The following NKIRAS1 variants were observed in gnomAD, a reference collection of about 807,000 sequenced individuals.
NKIRAS1 encodes NFKB inhibitor interacting Ras like 1.
In NKIRAS1, 16 loss-of-function variants were observed where a neutral mutation model predicts 19.8. The ratio of observed to expected loss-of-function variants is 0.81; its 90% CI spans 0.55 to 1.23. The LOEUF is 1.23. Ranked by LOEUF, NKIRAS1 falls within the 50% of genes most tolerant of loss-of-function variation. The pLI, the probability that NKIRAS1 is intolerant of heterozygous loss-of-function variation, is 0.00. For missense variants in NKIRAS1, 184 were observed against 220.0 expected, an observed-to-expected ratio of 0.84 and a Z score of 1.04; for synonymous variants, 88 against 79.0, an observed-to-expected ratio of 1.11 and a Z score of -0.61.
At chr3:23,908,642 AG>A (rs532919953) in intron 3 of NKIRAS1, among the ~76,000 whole-genome samples, 56 of 152,292 alleles carry the variant, frequency 3.7e-4, no homozygotes, top group African/African-American at 1.2e-3. Context: ...AGTGTCATTT[AG>A]AAAAAATAAG....
intron 3 of NKIRAS1, among the ~76,000 whole-genome samples, chr3:23,903,996 C>G (rs1559504027): frequency 6.6e-6 from 1 of 152,118 alleles, no homozygotes; most frequent in African/African-American, 2.4e-5. Context: ...GAAACCCCAT[C>G]TCTACTAAAA....
At position 23,901,003 on chromosome 3, in the gene NKIRAS1, T is replaced by C. The variant is rs753911269; in HGVS notation, c.141A>G (p.Val47=). ...GTTCTTTTACTCCTCGGTCTGTTTC[T>C]ACTGAAGCCATGTATACATCTTCCA... is the stretch of plus-strand genomic sequence containing the variant. ...ETMEDVYMAS[V]ETDRGVKEQL... is the part of the protein sequence containing the mutation. The change falls in exon 4 of 5, where the codon GTA becomes GTG. Residue 47 remains valine, a synonymous_variant. Transcript: ENST00000425478. 8 of 1,614,176 alleles carry C rather than the reference T, an allele frequency of 5.0e-6. No homozygotes were observed. The highest frequency in any genetic ancestry group is 8.5e-7 in the Non-Finnish European group (1 of 1,180,012).
chr3:23,930,192 G>A (rs556307615), intron 1 of NKIRAS1, among the ~76,000 whole-genome samples: 16 of 152,182 alleles, frequency 1.1e-4, no homozygotes, highest in African/African-American at 3.4e-4. Context: ...TTCATCCTGG[G>A]GGGTATTTGC....
intron 2 of NKIRAS1, among the ~76,000 whole-genome samples, 173 bp downstream of exon 2, chr3:23,911,156 T>A (rs968279646): frequency 1.3e-5 from 2 of 152,016 alleles, no homozygotes; most frequent in African/African-American, 4.8e-5. Context: ...ACAATGTAGA[T>A]AAATATAAGA....
At chr3:23,936,081 T>TAAAAA (rs1705387077) in intron 1 of NKIRAS1, among the ~76,000 whole-genome samples, 1 of 9,772 alleles carries the variant, frequency 1.0e-4, no homozygotes, top group Non-Finnish European at 2.2e-4. Flanking sequence ...GGACCCTGTC[T>TAAAAA]CAAAAAAAAA....
At chr3:23,946,422 A>G (rs1288393628) in exon 1 of NKIRAS1, 2 of 465,616 alleles carry the variant, frequency 4.3e-6, no homozygotes, top group East Asian at 1.5e-4. Context: ...GATACGCTCG[A>G]AGGAGCTCTG....
chr3:23,946,233 G>T (rs2125277231), intron 1 of NKIRAS1: 1 of 985,436 alleles, frequency 1.0e-6, no homozygotes, highest in South Asian at 4.7e-5. Flanking sequence ...TGCACCGGAC[G>T]CCGCACGCTC....
chr3:23,940,188 A>G (rs1705468330), intron 1 of NKIRAS1, among the ~76,000 whole-genome samples: 1 of 151,018 alleles, frequency 6.6e-6, no homozygotes, highest in Admixed American at 6.6e-5. Flanking sequence ...AAAAAAAAAA[A>G]AAAGAGAAAT....
intron 1 of NKIRAS1, among the ~76,000 whole-genome samples, chr3:23,934,012 A>G (rs4241516): frequency 0.64 from 97,563 of 152,086 alleles, 31,517 homozygotes; most frequent in Middle Eastern, 0.73. Context: ...ATCAACTCCT[A>G]AGGGCCCACC....
chr3:23,904,796 T>A (rs1406239397), intron 3 of NKIRAS1, among the ~76,000 whole-genome samples: 1 of 152,206 alleles, frequency 6.6e-6, no homozygotes, highest in Non-Finnish European at 1.5e-5. Context: ...TTTCTAGATA[T>A]GTATACCAGA....
At chr3:23,929,652 G>A (rs1399920885) in intron 1 of NKIRAS1, among the ~76,000 whole-genome samples, 1 of 151,904 alleles carries the variant, frequency 6.6e-6, no homozygotes, top group Admixed American at 6.6e-5. Context: ...ATGTTGCCCA[G>A]GCTGTTATCA....
intron 1 of NKIRAS1, chr3:23,946,138 G>C: frequency 1.0e-6 from 1 of 985,188 alleles, no homozygotes; most frequent in Non-Finnish European, 1.2e-6. Context: ...CCCCCGCGGG[G>C]TTGCACACTG....
At chr3:23,945,450 C>T (rs1705626978) in intron 1 of NKIRAS1, 1 of 374,258 alleles carries the variant, frequency 2.7e-6, no homozygotes, top group Non-Finnish European at 3.9e-6. Flanking sequence ...GCCCCGCCCG[C>T]TCTGCCCATG....
chr3:23,905,783 G>GA (rs1702971400), intron 3 of NKIRAS1, among the ~76,000 whole-genome samples: 1 of 121,950 alleles, frequency 8.2e-6, no homozygotes, highest in Non-Finnish European at 1.7e-5. Context: ...AAAAGTACTG[G>GA]AAAATGTGCT....
intron 3 of NKIRAS1, among the ~76,000 whole-genome samples, chr3:23,908,703 A>T (rs1321529920): frequency 2.0e-5 from 3 of 152,110 alleles, no homozygotes; most frequent in African/African-American, 7.2e-5. Flanking sequence ...TTTTTCAGAC[A>T]GGGTCTCCTA....
chr3:23,921,569 A>ATTT, upstream of NKIRAS1: 1 of 512,672 alleles, frequency 2.0e-6, no homozygotes. Flanking sequence ...TTGATTATTG[A>ATTT]GTTTTTTTTT....
intron 1 of NKIRAS1, among the ~76,000 whole-genome samples, chr3:23,937,260 A>G (rs987201705): frequency 3.3e-5 from 5 of 152,018 alleles, no homozygotes; most frequent in African/African-American, 1.2e-4. Context: ...AGTCCCAGCT[A>G]CTCGGTAGGC....
rs58905555 is a variant in NKIRAS1, at chr3:23,893,798, C to CA, written c.337-462dup. ...TGGGTGACTGTGCAAGACTCCATCTCAAAAAAAAAAAAAAAAAAAAAAAAT... is the reference window on the plus strand; with the variant it reads ...TGGGTGACTGTGCAAGACTCCATCTCAAAAAAAAAAAAAAAAAAAAAAAAAT... On this transcript the variant is annotated intron_variant, in intron 4 of 4. Transcript: ENST00000425478. 8.4e-3 allele frequency among the ~76,000 whole-genome samples: 683 copies of CA among 81,264 alleles called. 3 individuals are homozygous for CA. The highest frequency in any genetic ancestry group is 0.026 in the East Asian group (69 of 2,622). The allele number at this position is 81,264 out of a possible 152,430, so 53.3% of individuals were successfully genotyped here.
rs1304533006 is a variant in NKIRAS1, at chr3:23,926,841, C to T, written c.-139-15391G>A. On this transcript the variant is annotated intron_variant, in intron 1 of 4. Transcript: ENST00000421515. This position sits in a 1 kb window ranked among gnomAD's most constrained non-coding sequence, Gnocchi z 4.3. ...TGCCAAACTGTTGGACCTTTGAAAT[C>T]AGTTTTATAAATATTCATCATTCAG... is the stretch of plus-strand genomic sequence containing the variant. Among the ~76,000 whole-genome samples, 2 of 152,180 alleles carry T rather than the reference C, an allele frequency of 1.3e-5. No individual in the cohort carries two copies.
Sources: allele counts gnomAD v4.1 joint callset (sites outside exome capture counted in the v4.1 genomes callset), GRCh38; gene constraint gnomAD v4.1.1; non-coding constraint Gnocchi (gnomAD v3.1); transcripts MANE v1.5; gene names NCBI Gene and HGNC (gene_info 2026-07-23, HGNC 2026-07-21).